The following ZC3H12B variants were observed in gnomAD, a reference collection of about 807,000 sequenced individuals.
The protein encoded by ZC3H12B is zinc finger CCCH-type containing 12B.
A neutral mutation model predicts 43.9 loss-of-function variants in ZC3H12B; 7 were observed. The observed-to-expected ratio is 0.16, with a 90% CI of 0.09 to 0.30. The LOEUF is 0.30. Among genes scored for constraint, ZC3H12B ranks in the 10% least tolerant of loss-of-function variants. The pLI is 1.00. For missense variants in ZC3H12B, 475 were observed against 670.2 expected, an observed-to-expected ratio of 0.71 and a Z score of 3.22; for synonymous variants, 222 against 241.7, an observed-to-expected ratio of 0.92 and a Z score of 0.76.
At chrX:65,336,036 G>A in the ZC3H12B span, among the ~76,000 whole-genome samples, 1 of 111,911 alleles carries the variant, frequency 8.9e-6, no homozygotes, top group South Asian at 3.7e-4. Context: ...AGGGGTCCTA[G>A]GCCCATGTTC....
chrX:65,263,649 T>C, the ZC3H12B span, among the ~76,000 whole-genome samples: 1 of 111,258 alleles, frequency 9.0e-6, no homozygotes, highest in African/African-American at 3.3e-5. Flanking sequence ...AATATGCAGG[T>C]AATCTGAGTG....
At chrX:65,197,896 T>A in the ZC3H12B span, among the ~76,000 whole-genome samples, 1 of 112,297 alleles carries the variant, frequency 8.9e-6, no homozygotes, top group Non-Finnish European at 1.9e-5. Flanking sequence ...TCTGTTTATT[T>A]ACTACAAAAC....
At chrX:65,076,634 A>T in the ZC3H12B span, among the ~76,000 whole-genome samples, 1 of 105,353 alleles carries the variant, frequency 9.5e-6, no homozygotes, top group African/African-American at 3.5e-5. Flanking sequence ...TTGTTGATAT[A>T]TCTTTAACTT....
At chrX:65,087,749 A>C in the ZC3H12B span, among the ~76,000 whole-genome samples, 1 of 112,106 alleles carries the variant, frequency 8.9e-6, no homozygotes, top group East Asian at 2.8e-4. Flanking sequence ...AGGTCATTAA[A>C]GGAACTGAGA....
At chrX:65,222,724 G>T in the ZC3H12B span, among the ~76,000 whole-genome samples, 37 of 109,581 alleles carry the variant, frequency 3.4e-4, no homozygotes, top group South Asian at 1.1e-3. Context: ...ACTATTGAAA[G>T]AAATCATAGA....
chrX:65,051,600 A>G, the ZC3H12B span, among the ~76,000 whole-genome samples: 5 of 111,989 alleles, frequency 4.5e-5, no homozygotes, highest in Admixed American at 3.8e-4. Flanking sequence ...ACTATCCTCC[A>G]AACATCCAAA....
chrX:65,144,832 G>A, the ZC3H12B span, among the ~76,000 whole-genome samples: 2 of 111,602 alleles, frequency 1.8e-5, no homozygotes, highest in Non-Finnish European at 3.8e-5. Flanking sequence ...GTCTGAGAGA[G>A]TGCTTGATAT....
chrX:65,296,981 T>C, the ZC3H12B span, among the ~76,000 whole-genome samples: 1 of 111,409 alleles, frequency 9.0e-6, no homozygotes, highest in Non-Finnish European at 1.9e-5. Flanking sequence ...AGCAATGACA[T>C]CATATAAGGG....
At chrX:65,408,284 C>T (rs1044263435) in intron 3 of ZC3H12B, 11 of 1,169,142 alleles carry the variant, frequency 9.4e-6, no homozygotes, top group Non-Finnish European at 1.3e-5. Flanking sequence ...TTACGAAATG[C>T]CATATGGATT....
intron 3 of ZC3H12B, among the ~76,000 whole-genome samples, chrX:65,466,256 A>G (rs2067816038): frequency 9.0e-6 from 1 of 110,838 alleles, no homozygotes; most frequent in Admixed American, 9.7e-5. Flanking sequence ...CATGGGGTAT[A>G]TATTTTTCTA....
chrX:65,386,632 T>A (rs1183304885), intron 2 of ZC3H12B, among the ~76,000 whole-genome samples: 1 of 111,817 alleles, frequency 8.9e-6, no homozygotes, highest in East Asian at 2.8e-4. Context: ...GGGTTTTTTG[T>A]GTCTCTATTT....
chrX:65,460,691 C>T (rs1273064870), intron 3 of ZC3H12B, among the ~76,000 whole-genome samples: 1 of 111,797 alleles, frequency 8.9e-6, no homozygotes, highest in Admixed American at 9.5e-5. Context: ...TTCCTTACAC[C>T]TTATACTAAA....
the ZC3H12B span, among the ~76,000 whole-genome samples, chrX:65,203,981 T>C: frequency 8.9e-6 from 1 of 112,065 alleles, no homozygotes; most frequent in African/African-American, 3.2e-5. Flanking sequence ...CTAGCTTTGT[T>C]ATGTCTCATG....
the ZC3H12B span, among the ~76,000 whole-genome samples, chrX:65,267,387 G>T: frequency 9.1e-6 from 1 of 109,447 alleles, no homozygotes. Context: ...AACAAACTCT[G>T]TAGAAGGGAG....
At chrX:65,178,422 TTAAAC>T in the ZC3H12B span, among the ~76,000 whole-genome samples, 2 of 112,062 alleles carry the variant, frequency 1.8e-5, no homozygotes, top group African/African-American at 6.5e-5. Flanking sequence ...TGGGATCTAA[TTAAAC>T]TAAAGAGCTT....
intron 2 of ZC3H12B, among the ~76,000 whole-genome samples, chrX:65,380,553 G>C (rs999381354): frequency 7.2e-5 from 8 of 111,069 alleles, no homozygotes; most frequent in African/African-American, 2.6e-4. Flanking sequence ...CATCAACTAA[G>C]GAGAAAAATA....
the ZC3H12B span, among the ~76,000 whole-genome samples, chrX:65,227,840 T>C: frequency 2.7e-5 from 3 of 111,374 alleles, no homozygotes; most frequent in Non-Finnish European, 5.7e-5. Context: ...CAGGAAGAAG[T>C]TGAATCTCTG....
the ZC3H12B span, among the ~76,000 whole-genome samples, chrX:65,248,539 G>A: frequency 5.4e-5 from 6 of 111,701 alleles, no homozygotes; most frequent in East Asian, 1.4e-3. Context: ...TATTTAAAAG[G>A]CACTAGGGAC....
chrX:65,246,779 G>A, the ZC3H12B span, among the ~76,000 whole-genome samples: 24 of 112,243 alleles, frequency 2.1e-4, no homozygotes, highest in East Asian at 6.7e-3. Flanking sequence ...AGACATAAAT[G>A]TAAAACCCAA....
Sources: gnomAD v4.1 joint callset for allele counts (sites outside exome capture counted in the v4.1 genomes callset) on GRCh38, gnomAD v4.1.1 for gene constraint, MANE v1.5 for transcripts, NCBI Gene and HGNC (gene_info 2026-07-23, HGNC 2026-07-21) for gene names.